The following RELN variants were observed in gnomAD, a reference collection of about 807,000 sequenced individuals.
The protein encoded by RELN is reelin.
In RELN, 108 loss-of-function variants were observed where a neutral mutation model predicts 427.6. The ratio of observed to expected loss-of-function variants is 0.25; its 90% CI spans 0.22 to 0.30. RELN has a LOEUF of 0.30. Among genes scored for constraint, RELN ranks in the 10% least tolerant of loss-of-function variants. RELN has a pLI of 1.00. For synonymous variants in RELN, 1,524 were observed against 1,513.4 expected, an observed-to-expected ratio of 1.01 and a Z score of -0.16; for missense variants, 3,715 against 4,302.8, an observed-to-expected ratio of 0.86 and a Z score of 3.82.
chr7:103,756,578 G>A (rs1247097665), intron 4 of RELN, among the ~76,000 whole-genome samples: 2 of 152,148 alleles, frequency 1.3e-5, no homozygotes, highest in South Asian at 2.1e-4. Context: ...TATATTTTAT[G>A]ATATTTCAGA....
intron 2 of RELN, among the ~76,000 whole-genome samples, chr7:103,839,303 CTT>C (rs34244913): frequency 3.8e-4 from 46 of 121,158 alleles, no homozygotes; most frequent in South Asian, 5.4e-4. Context: ...GTGGTCTTTG[CTT>C]TTTTTTTTTT....
chr7:103,484,961 T>C (rs1828377877), intron 61 of RELN, among the ~76,000 whole-genome samples: 1 of 152,194 alleles, frequency 6.6e-6, no homozygotes, highest in African/African-American at 2.4e-5. Flanking sequence ...CTGTTCAACA[T>C]GACATTTTGC....
intron 3 of RELN, among the ~76,000 whole-genome samples, chr7:103,805,363 G>A (rs1478928479): frequency 3.9e-5 from 6 of 152,156 alleles, no homozygotes; most frequent in Non-Finnish European, 8.8e-5. Flanking sequence ...ATATACGAAC[G>A]TGCATGTGAA....
At chr7:103,612,743 G>T (rs1329665728) in intron 20 of RELN, among the ~76,000 whole-genome samples, 1 of 152,142 alleles carries the variant, frequency 6.6e-6, no homozygotes, top group Non-Finnish European at 1.5e-5. Flanking sequence ...TTTAATGGTT[G>T]TGTCTCAAAT....
intron 6 of RELN, among the ~76,000 whole-genome samples, chr7:103,734,197 T>A (rs1790434595): frequency 6.6e-6 from 1 of 152,192 alleles, no homozygotes; most frequent in Admixed American, 6.5e-5. Flanking sequence ...CTTTGTAAAG[T>A]TAGGTAACAT....
chr7:103,501,245 G>C (rs1829017162), intron 52 of RELN, among the ~76,000 whole-genome samples: 1 of 152,148 alleles, frequency 6.6e-6, no homozygotes, highest in Non-Finnish European at 1.5e-5. Context: ...TTCTGAATTG[G>C]AGTTCCGTGG....
intron 28 of RELN, among the ~76,000 whole-genome samples, chr7:103,577,857 AGAACCCAGAGAAACATG>A (rs1831040571): frequency 6.6e-6 from 1 of 152,206 alleles, no homozygotes. Flanking sequence ...TTTCTATGAT[AGAACCCAGAGAAACATG>A]GATCCACAGC....
intron 1 of RELN, among the ~76,000 whole-genome samples, chr7:103,917,491 C>A (rs1435900883): frequency 6.6e-6 from 1 of 151,616 alleles, no homozygotes; most frequent in Admixed American, 6.6e-5. Context: ...TCCCCACCTC[C>A]ACTACCACCC....
intron 64 of RELN, among the ~76,000 whole-genome samples, chr7:103,477,035 T>C (rs1828060509): frequency 6.6e-6 from 1 of 152,190 alleles, no homozygotes. Context: ...ACTAGGTCCA[T>C]TTTTAAATTC....
At position 103,665,337 on chromosome 7, in the gene RELN, G is replaced by GGT. The variant is rs565319459; in HGVS notation, c.1290-3812_1290-3811dup. Among the ~76,000 whole-genome samples, 868 of 146,586 alleles carry GGT rather than the reference G, an allele frequency of 5.9e-3. 9 individuals carry two copies. Among genetic ancestry groups the GGT allele is most frequent in the African/African-American group, 0.012 (472 of 39,956 alleles). ...AAACCAATTTAAATATCATACATATGGTGTGTGTGTGTGTGTGTGTGTGTG... is the reference window on the plus strand; with the variant it reads ...AAACCAATTTAAATATCATACATATGGTGTGTGTGTGTGTGTGTGTGTGTGTG... On this transcript the variant is annotated intron_variant, in intron 11 of 64. Coordinates refer to ENST00000428762, the MANE Select transcript of RELN (RefSeq NM_005045.4).
At position 103,478,576 on chromosome 7, in the gene RELN, A is replaced by T. The variant is rs555755113; in HGVS notation, c.10281-182T>A. The T allele has an allele frequency of 1.6e-3, 1,013 of 631,590 alleles. 4 individuals are homozygous for T. Among genetic ancestry groups the T allele is most frequent in the Middle Eastern group, 2.4e-3 (6 of 2,510 alleles). The allele number at this position is 631,590 out of a possible 1,614,324, so 39.1% of individuals were successfully genotyped here. A position where few individuals can be genotyped will look rare whatever the true frequency, so the allele number is the denominator to read the frequency against. ...TATTTCTTATTCTTCTATACCCAAG[A>T]TCTACATATACTTTTCTATGTAATG... On this transcript the variant is annotated intron_variant, in intron 63 of 64. Coordinates refer to ENST00000428762, the MANE Select transcript of RELN (RefSeq NM_005045.4).
intron 4 of RELN, among the ~76,000 whole-genome samples, chr7:103,769,031 C>T (rs1198904073): frequency 6.6e-6 from 1 of 152,156 alleles, no homozygotes; most frequent in African/African-American, 2.4e-5. Flanking sequence ...CAATTTTACC[C>T]CACTGATCTA....
At chr7:103,655,597 A>C (rs1833007438) in intron 12 of RELN, among the ~76,000 whole-genome samples, 1 of 152,104 alleles carries the variant, frequency 6.6e-6, no homozygotes, top group Non-Finnish European at 1.5e-5. Context: ...ATTGGGTCTG[A>C]TCTTGGGGAG....
chr7:103,890,473 T>C (rs1284576273), intron 2 of RELN, among the ~76,000 whole-genome samples: 1 of 152,126 alleles, frequency 6.6e-6, no homozygotes, highest in Non-Finnish European at 1.5e-5. Context: ...ACAAACCCTA[T>C]TGTGAACTGC....
intron 57 of RELN, among the ~76,000 whole-genome samples, chr7:103,495,010 T>C (rs575962095): frequency 6.6e-6 from 1 of 151,994 alleles, no homozygotes; most frequent in Non-Finnish European, 1.5e-5. Context: ...GGAGATAGTG[T>C]TACAGAGTAG....
chr7:103,613,435 T>C (rs1313181933), intron 20 of RELN, among the ~76,000 whole-genome samples: 1 of 152,148 alleles, frequency 6.6e-6, no homozygotes, highest in Non-Finnish European at 1.5e-5. Flanking sequence ...GGATGCAATC[T>C]GGAAAATATC....
intron 3 of RELN, among the ~76,000 whole-genome samples, chr7:103,823,248 AAC>A (rs1171113654): frequency 2.7e-5 from 1 of 37,030 alleles, no homozygotes; most frequent in African/African-American, 1.3e-4. Flanking sequence ...ATCTCTTAGA[AAC>A]AGCATACTGC....
chr7:103,631,059 T>C (rs907104113), intron 19 of RELN, among the ~76,000 whole-genome samples: 4 of 151,360 alleles, frequency 2.6e-5, no homozygotes, highest in Non-Finnish European at 4.4e-5. Context: ...CTGTTTTACA[T>C]ATTGAAAGTT....
chr7:103,859,991 G>A (rs1794035446), intron 2 of RELN, among the ~76,000 whole-genome samples: 1 of 152,016 alleles, frequency 6.6e-6, no homozygotes, highest in African/African-American at 2.4e-5. Flanking sequence ...TCAACCCTAT[G>A]TAAGTAAACC....
Sources: gnomAD v4.1 joint callset for allele counts (sites outside exome capture counted in the v4.1 genomes callset) on GRCh38, gnomAD v4.1.1 for gene constraint, MANE v1.5 for transcripts, NCBI Gene and HGNC (gene_info 2026-07-23, HGNC 2026-07-21) for gene names.